MAFA: variants seen among roughly 807,000 people sequenced by gnomAD.
MAFA encodes transcription factor MafA.
For missense variants in MAFA, 547 were observed against 538.0 expected, an observed-to-expected ratio of 1.02 and a Z score of -0.16; for synonymous variants, 244 against 260.3, an observed-to-expected ratio of 0.94 and a Z score of 0.60.
At position 143,429,507 on chromosome 8, in the gene MAFA, C is replaced by CA; in HGVS notation, c.899dup (p.Arg302AlafsTer135). ...GGTCCCGCTCTTTGGCCAGGCGCCC[C>CA]ACCTCCAGCTTCAGCTGCTCCACCT... On this transcript the variant is annotated frameshift_variant, in exon 1 of 1. Coordinates refer to ENST00000333480, the MANE Select transcript of MAFA (RefSeq NM_201589.4). LOFTEE classifies it low-confidence loss of function (END_TRUNC). The surrounding 1 kb of genome is among the most constrained non-coding windows in gnomAD (Gnocchi z 5.9). 8 of 1,605,428 alleles carry CA rather than the reference C, an allele frequency of 5.0e-6. No homozygotes were observed. Among genetic ancestry groups the CA allele is most frequent in the Admixed American group, 1.7e-5 (1 of 59,918 alleles).
At position 143,430,631 on chromosome 8, in the gene MAFA, G is replaced by C. The variant is rs1343006815; in HGVS notation, c.-225C>G. On this transcript the variant is annotated 5_prime_UTR_variant, in exon 1 of 1. Coordinates refer to ENST00000333480, the MANE Select transcript of MAFA (RefSeq NM_201589.4). The stretch of plus-strand genomic sequence containing the variant: ...TGGCCAGGTGTCTCGGGCGACCCCG[G>C]GCCCGCGTCGCCGCCTCCTCCCCGC... 8.6e-6 allele frequency among the ~76,000 whole-genome samples: 1 copy of C among 115,654 alleles called. No homozygotes were observed. Among genetic ancestry groups the C allele is most frequent in the Non-Finnish European group, 2.1e-5 (1 of 48,086 alleles). The allele number at this position is 115,654 out of a possible 152,430, so 75.9% of individuals were successfully genotyped here.
Position 143,429,298 on chromosome 8 carries a change from C to G in MAFA, c.*47G>C. ...CCGAGCCGAGGCCCCGAGAGGCCTG[C>G]GCGAACTTGTCCCCGGCGACGGCGG... On this transcript the variant is annotated 3_prime_UTR_variant, in exon 1 of 1. Transcript: ENST00000333480. The surrounding 1 kb of genome is among the most constrained non-coding windows in gnomAD (Gnocchi z 5.9). The G allele has an allele frequency of 7.7e-7, 1 of 1,304,016 alleles. No individual in the cohort carries two copies. The highest frequency in any genetic ancestry group is 9.7e-7 in the Non-Finnish European group (1 of 1,036,242). The allele number at this position is 1,304,016 out of a possible 1,614,324, so 80.8% of individuals were successfully genotyped here.
rs1586860217 is a variant in MAFA, at chr8:143,429,944, G to A, written c.463C>T (p.His155Tyr). ...TAGGCTGCGGCGGCCGCCGGGTGGT[G>A]CGCGCCGTGGTGCGCGCCGTGGTGG... is the stretch of plus-strand genomic sequence containing the variant. ...SGHHGAHHGA[H>Y]HPAAAAAYEA... Residue 155 changes from histidine to tyrosine, a missense_variant, in exon 1 of 1, where the codon CAC becomes TAC. Physicochemically the swap from His to Tyr is moderately conservative, Grantham distance 83 (BLOSUM62 2). Coordinates refer to ENST00000333480, the MANE Select transcript of MAFA (RefSeq NM_201589.4). This position sits in a 1 kb window ranked among gnomAD's most constrained non-coding sequence, Gnocchi z 5.9. The A allele has an allele frequency of 7.9e-7, 1 of 1,257,932 alleles. No homozygotes were observed. Among genetic ancestry groups the A allele is most frequent in the Admixed American group, 4.2e-5 (1 of 23,664 alleles). The allele number at this position is 1,257,932 out of a possible 1,614,324, so 77.9% of individuals were successfully genotyped here.
chr8:143,430,533 G>GGGGGGCGCCGGCGCGC lies in MAFA; in HGVS notation c.-128_-127insGCGCGCCGGCGCCCCC, dbSNP rs1819526047. On this transcript the variant is annotated 5_prime_UTR_variant, in exon 1 of 1. Transcript: ENST00000333480. The stretch of plus-strand genomic sequence containing the variant: ...GCGGGGGCGGGGGGGCGCCGGCGCG[G>GGGGGGCGCCGGCGCGC]GGCGGCGGCGCCGAGGGGCGCAGGG... 2 of 152,664 alleles carry GGGGGGCGCCGGCGCGC rather than the reference G, an allele frequency of 1.3e-5. No homozygotes were observed. The highest frequency in any genetic ancestry group is 2.8e-5 in the Non-Finnish European group (2 of 71,956). The allele number at this position is 152,664 out of a possible 1,614,324, so 9.5% of individuals were successfully genotyped here. A position where few individuals can be genotyped will look rare whatever the true frequency, so the allele number is the denominator to read the frequency against.
chr8:143,430,111 C>A lies in MAFA; in HGVS notation c.296G>T (p.Gly99Val). Residue 99 changes from glycine to valine, a missense_variant, in exon 1 of 1, where the codon GGG becomes GTG. Physicochemically the swap from Gly to Val is moderately radical, Grantham distance 109. Coordinates refer to ENST00000333480, the MANE Select transcript of MAFA (RefSeq NM_201589.4). ...GGTGCCCCCGACGGCGCCGGGGCCC[C>A]CGCTCGGCGGCCCGGGGGCGCCCCC... ...QAGGAPGPPS[G>V]GPGAVGGTSG... 1 of 1,125,610 alleles carries A rather than the reference C, an allele frequency of 8.9e-7. No homozygotes were observed. The highest frequency in any genetic ancestry group is 3.5e-5 in the South Asian group (1 of 28,196). The allele number at this position is 1,125,610 out of a possible 1,614,324, so 69.7% of individuals were successfully genotyped here. A position where few individuals can be genotyped will look rare whatever the true frequency, so the allele number is the denominator to read the frequency against.
Position 143,429,160 on chromosome 8 carries a change from G to C in MAFA, c.*185C>G, listed in dbSNP as rs1311279348. The C allele has an allele frequency of 1.5e-6, 1 of 656,300 alleles. No homozygotes were observed. Among genetic ancestry groups the C allele is most frequent in the Admixed American group, 4.6e-5 (1 of 21,514 alleles). The allele number at this position is 656,300 out of a possible 1,614,324, so 40.7% of individuals were successfully genotyped here. On this transcript the variant is annotated 3_prime_UTR_variant, in exon 1 of 1. Transcript: ENST00000333480. This position sits in a 1 kb window ranked among gnomAD's most constrained non-coding sequence, Gnocchi z 5.9. ...CCTCAGGACGGCGACCCGGGCCGAC[G>C]CGCGCGAACGGGGACCGGGAGCGAA... is the stretch of plus-strand genomic sequence containing the variant.
chr8:143,429,714 C>G lies in MAFA; in HGVS notation c.693G>C (p.Gln231His). 6.4e-7 allele frequency: 1 copy of G among 1,561,468 alleles called. No individual in the cohort carries two copies. Among genetic ancestry groups the G allele is most frequent in the East Asian group, 2.4e-5 (1 of 42,552 alleles). ...VRLEERFSDD[Q>H]LVSMSVRELN... ...GCTCGCGCACCGACATGGACACCAG[C>G]TGGTCGTCGGAGAAGCGCTCCTCCA... The change falls in exon 1 of 1, where the codon CAG becomes CAC. Residue 231 changes from glutamine (Q) to histidine (H), a missense_variant. Coordinates refer to ENST00000333480, the MANE Select transcript of MAFA (RefSeq NM_201589.4). This position sits in a 1 kb window ranked among gnomAD's most constrained non-coding sequence, Gnocchi z 5.9.
Position 143,429,899 on chromosome 8 carries a change from C to T in MAFA, c.508G>A (p.Gly170Ser), listed in dbSNP as rs1473612029. The T allele has an allele frequency of 7.7e-7, 1 of 1,301,148 alleles. No homozygotes were observed. Among genetic ancestry groups the T allele is most frequent in the African/African-American group, 1.6e-5 (1 of 63,250 alleles). 80.6% of individuals were successfully genotyped at this position (1,301,148 alleles called of 1,614,324 possible). Residue 170 changes from glycine (G) to serine (S), a missense_variant, in exon 1 of 1, where the codon GGC (glycine) becomes AGC (serine). Physicochemically the swap from Gly to Ser is moderately conservative, Grantham distance 56 (BLOSUM62 0). Coordinates refer to ENST00000333480, the MANE Select transcript of MAFA (RefSeq NM_201589.4). This position sits in a 1 kb window ranked among gnomAD's most constrained non-coding sequence, Gnocchi z 5.9. ...TCCGCTCCGCCGCCGCCCGCGAAGCCCGGGCCGCGGAAAGCCTCGTAGGCT... is the reference window on the plus strand; with the variant it reads ...TCCGCTCCGCCGCCGCCCGCGAAGCTCGGGCCGCGGAAAGCCTCGTAGGCT... The part of the protein sequence containing the change: ...AAAYEAFRGP[G>S]FAGGGGADDM...
chr8:143,429,495 G>A lies in MAFA; in HGVS notation c.912C>T (p.Ala304=), dbSNP rs1397782064. 8.1e-6 allele frequency: 13 copies of A among 1,604,732 alleles called. No individual in the cohort carries two copies. The highest frequency in any genetic ancestry group is 1.1e-5 in the Non-Finnish European group (13 of 1,179,348). Residue 304 remains alanine (A), a synonymous_variant, in exon 1 of 1, where the codon GCC becomes GCT. Coordinates refer to ENST00000333480, the MANE Select transcript of MAFA (RefSeq NM_201589.4). The surrounding 1 kb of genome is among the most constrained non-coding windows in gnomAD (Gnocchi z 5.9). ...TCTCCTTGTACAGGTCCCGCTCTTT[G>A]GCCAGGCGCCCCACCTCCAGCTTCA... ...EQLKLEVGRL[A]KERDLYKEKY... is the part of the protein sequence containing the mutation.
rs1380399675 is a variant in MAFA at position 143,429,130 on chromosome 8, C to T, written c.*215G>A. 4 of 423,582 alleles carry T rather than the reference C, an allele frequency of 9.4e-6. No individual in the cohort carries two copies. The highest frequency in any genetic ancestry group is 1.1e-5 in the Non-Finnish European group (3 of 263,890). The allele number at this position is 423,582 out of a possible 1,614,324, so 26.2% of individuals were successfully genotyped here. On this transcript the variant is annotated 3_prime_UTR_variant, in exon 1 of 1. Transcript: ENST00000333480. The surrounding 1 kb of genome is among the most constrained non-coding windows in gnomAD (Gnocchi z 5.9). ...TTTCCTTAGAAATCACCGTTCTCCG[C>T]TCAACCTCAGGACGGCGACCCGGGC...
Position 143,430,667 on chromosome 8 carries a change from T to C in MAFA, c.-261A>G, listed in dbSNP as rs1819528270. 6.9e-6 allele frequency among the ~76,000 whole-genome samples: 1 copy of C among 144,398 alleles called. No homozygotes were observed. The highest frequency in any genetic ancestry group is 2.5e-5 in the African/African-American group (1 of 39,956). The allele number at this position is 144,398 out of a possible 152,430, so 94.7% of individuals were successfully genotyped here. A position where few individuals can be genotyped will look rare whatever the true frequency, so the allele number is the denominator to read the frequency against. On this transcript the variant is annotated 5_prime_UTR_variant, in exon 1 of 1. Transcript: ENST00000333480. ...CCGCCTCCTCCCCGCGGCCGCCGCCTCGGGCTGCTCCGGGACCGCTCCCGC... is the reference window on the plus strand; with the variant it reads ...CCGCCTCCTCCCCGCGGCCGCCGCCCCGGGCTGCTCCGGGACCGCTCCCGC...
Position 143,430,115 on chromosome 8 carries a change from T to G in MAFA, c.292A>C (p.Ser98Arg). 2 of 1,101,730 alleles carry G rather than the reference T, an allele frequency of 1.8e-6. No homozygotes were observed. Among genetic ancestry groups the G allele is most frequent in the South Asian group, 3.7e-5 (1 of 26,774 alleles). 68.2% of individuals were successfully genotyped at this position (1,101,730 alleles called of 1,614,324 possible). A position where few individuals can be genotyped will look rare whatever the true frequency, so the allele number is the denominator to read the frequency against. The change falls in exon 1 of 1, where the codon AGC (serine) becomes CGC (arginine). Residue 98 changes from serine to arginine, a missense_variant. Physicochemically the swap from Ser to Arg is moderately radical, Grantham distance 110. Coordinates refer to ENST00000333480, the MANE Select transcript of MAFA (RefSeq NM_201589.4). ...SQAGGAPGPP[S>R]GGPGAVGGTS... ...CCCCCGACGGCGCCGGGGCCCCCGC[T>G]CGGCGGCCCGGGGGCGCCCCCGGCC...
In MAFA at chr8:143,428,178, C is replaced by CA. The variant is rs1330265860; in HGVS notation, c.*1166_*1167insT. ...CAACAAAACTTTCAACGAGTCGGCG[C>CA]GCCTTCCACTCCGAGTGCTCAGGGG... On this transcript the variant is annotated 3_prime_UTR_variant, in exon 1 of 1. Coordinates refer to ENST00000333480, the MANE Select transcript of MAFA (RefSeq NM_201589.4). 1 of 152,196 alleles carries CA rather than the reference C, an allele frequency of 6.6e-6. No individual in the cohort carries two copies. The highest frequency in any genetic ancestry group is 1.5e-5 in the Non-Finnish European group (1 of 68,034). 9.4% of individuals were successfully genotyped at this position (152,196 alleles called of 1,614,324 possible).
At position 143,429,699 on chromosome 8, in the gene MAFA, C is replaced by T. The variant is rs374635558; in HGVS notation, c.708G>A (p.Ser236=). Residue 236 remains serine, a synonymous_variant, in exon 1 of 1, where the codon TCG becomes TCA. Transcript: ENST00000333480. The surrounding 1 kb of genome is among the most constrained non-coding windows in gnomAD (Gnocchi z 5.9). ...RFSDDQLVSM[S]VRELNRQLRG... ...GGAGCTGCCGGTTCAGCTCGCGCAC[C>T]GACATGGACACCAGCTGGTCGTCGG... 974 of 1,569,380 alleles carry T rather than the reference C, an allele frequency of 6.2e-4. 4 individuals carry two copies. In the African/African-American group the frequency reaches 0.011, roughly 18 times the overall value.
rs1473612029 is a variant in MAFA at position 143,429,899 on chromosome 8, C to G, written c.508G>C (p.Gly170Arg). Residue 170 changes from glycine (G) to arginine (R), a missense_variant, in exon 1 of 1, where the codon GGC becomes CGC. Gly to Arg is a moderately radical substitution (Grantham distance 125). Coordinates refer to ENST00000333480, the MANE Select transcript of MAFA (RefSeq NM_201589.4). The surrounding 1 kb of genome is among the most constrained non-coding windows in gnomAD (Gnocchi z 5.9). ...TCCGCTCCGCCGCCGCCCGCGAAGCCCGGGCCGCGGAAAGCCTCGTAGGCT... is the reference window on the plus strand; with the variant it reads ...TCCGCTCCGCCGCCGCCCGCGAAGCGCGGGCCGCGGAAAGCCTCGTAGGCT... ...AAAYEAFRGP[G>R]FAGGGGADDM... 1.8e-5 allele frequency: 24 copies of G among 1,301,032 alleles called. No individual in the cohort carries two copies. The highest frequency in any genetic ancestry group is 2.3e-5 in the Non-Finnish European group (24 of 1,032,458). 80.6% of individuals were successfully genotyped at this position (1,301,032 alleles called of 1,614,324 possible). A position where few individuals can be genotyped will look rare whatever the true frequency, so the allele number is the denominator to read the frequency against.
In MAFA at chr8:143,430,476, C is replaced by G. The variant is rs1206779303; in HGVS notation, c.-70G>C. On this transcript the variant is annotated 5_prime_UTR_variant, in exon 1 of 1. Transcript: ENST00000333480. ...AGTGGGGGGGGAGCTGCAGGCCTCT[C>G]CCCCCCCTGCTCCCCGCGGGCGGCG... 2.5e-6 allele frequency: 1 copy of G among 398,032 alleles called. No individual in the cohort carries two copies. Among genetic ancestry groups the G allele is most frequent in the Non-Finnish European group, 3.4e-6 (1 of 295,710 alleles). The allele number at this position is 398,032 out of a possible 1,614,324, so 24.7% of individuals were successfully genotyped here. A position where few individuals can be genotyped will look rare whatever the true frequency, so the allele number is the denominator to read the frequency against.
At position 143,430,300 on chromosome 8, in the gene MAFA, G is replaced by T; in HGVS notation, c.107C>A (p.Pro36His). The part of the protein sequence containing the change: ...LMKFEVKKEP[P>H]EAERFCHRLP... ...GCGGTGGCAGAAGCGCTCGGCCTCG[G>T]GAGGCTCCTTCTTCACCTCGAACTT... The change falls in exon 1 of 1, where the codon CCC becomes CAC. Residue 36 changes from proline to histidine, a missense_variant. Pro to His is a moderately conservative substitution (Grantham distance 77). Transcript: ENST00000333480. 6.9e-7 allele frequency: 1 copy of T among 1,450,586 alleles called. No homozygotes were observed. The highest frequency in any genetic ancestry group is 1.5e-5 in the African/African-American group (1 of 66,980). 89.9% of individuals were successfully genotyped at this position (1,450,586 alleles called of 1,614,324 possible). A position where few individuals can be genotyped will look rare whatever the true frequency, so the allele number is the denominator to read the frequency against.
chr8:143,429,118 C>G lies in MAFA; in HGVS notation c.*227G>C. ...ACCTGGCTCAAGTTTCCTTAGAAAT[C>G]ACCGTTCTCCGCTCAACCTCAGGAC... On this transcript the variant is annotated 3_prime_UTR_variant, in exon 1 of 1. Coordinates refer to ENST00000333480, the MANE Select transcript of MAFA (RefSeq NM_201589.4). The surrounding 1 kb of genome is among the most constrained non-coding windows in gnomAD (Gnocchi z 5.9). The G allele has an allele frequency of 2.6e-6, 1 of 380,642 alleles. No homozygotes were observed. Among genetic ancestry groups the G allele is most frequent in the Non-Finnish European group, 4.4e-6 (1 of 226,924 alleles). 23.6% of individuals were successfully genotyped at this position (380,642 alleles called of 1,614,324 possible).
rs1418690169 is a variant in MAFA at position 143,429,473 on chromosome 8, C to G, written c.934G>C (p.Glu312Gln). ...CGGCCCGCCAGCTTCTCGTATTTCT[C>G]CTTGTACAGGTCCCGCTCTTTGGCC... ...RLAKERDLYK[E>Q]KYEKLAGRGG... The change falls in exon 1 of 1, where the codon GAG (glutamate) becomes CAG (glutamine). Residue 312 changes from glutamate to glutamine, a missense_variant. Physicochemically the swap from Glu to Gln is conservative, Grantham distance 29 (BLOSUM62 2). Coordinates refer to ENST00000333480, the MANE Select transcript of MAFA (RefSeq NM_201589.4). This position sits in a 1 kb window ranked among gnomAD's most constrained non-coding sequence, Gnocchi z 5.9. 1 of 1,601,734 alleles carries G rather than the reference C, an allele frequency of 6.2e-7. No individual in the cohort carries two copies. Among genetic ancestry groups the G allele is most frequent in the Admixed American group, 1.7e-5 (1 of 59,732 alleles).
Sources: gnomAD v4.1 joint callset for allele counts (sites outside exome capture counted in the v4.1 genomes callset) on GRCh38, gnomAD v4.1.1 for gene constraint, Gnocchi (gnomAD v3.1) non-coding constraint, MANE v1.5 for transcripts, NCBI Gene and HGNC (gene_info 2026-07-23, HGNC 2026-07-21) for gene names.